Variants in IL1RAPL1 observed in about 807,000 individuals in gnomAD.
IL1RAPL1 encodes interleukin 1 receptor accessory protein like 1.
Under a neutral mutation model 48.4 loss-of-function variants are expected in IL1RAPL1, and 3 were observed. The observed-to-expected ratio is 0.06, with a 90% CI of 0.03 to 0.16. IL1RAPL1 has a LOEUF of 0.16. IL1RAPL1 is among the 10% of genes least tolerant of loss of function. The pLI is 1.00. For synonymous variants in IL1RAPL1, 185 were observed against 187.7 expected, an observed-to-expected ratio of 0.99 and a Z score of 0.12; for missense variants, 349 against 530.6, an observed-to-expected ratio of 0.66 and a Z score of 3.36.
chrX:29,451,908 A>G (rs1934684682), intron 5 of IL1RAPL1, among the ~76,000 whole-genome samples: 1 of 112,104 alleles, frequency 8.9e-6, no homozygotes, highest in African/African-American at 3.2e-5. Context: ...TTAATAAGAA[A>G]GGAGTACAGG....
In IL1RAPL1 at chrX:29,567,032, AAAG is replaced by A. The variant is rs200820214; in HGVS notation, c.704-101394_704-101392del. 3.8e-3 allele frequency among the ~76,000 whole-genome samples: 424 copies of A among 111,791 alleles called. 8 individuals carry two copies. The highest frequency in any genetic ancestry group is 0.036 in the Admixed American group (373 of 10,485). On this transcript the variant is annotated intron_variant, in intron 5 of 10. Transcript: ENST00000378993. ...CATAAGAAATTAATAAAGAGAATAAAAAGAAGGAATATTTGAATTGATAATGTC... is the reference window on the plus strand; with the variant it reads ...CATAAGAAATTAATAAAGAGAATAAAAAGGAATATTTGAATTGATAATGTC...
In IL1RAPL1 at chrX:29,954,802, TGTTA is replaced by T. The variant is rs1309228535; in HGVS notation, c.1372+114_1372+117del. ...GGTTCTTTACTTCAAAATTTGTATC[TGTTA>T]GTTTCCCTAGAAAGAAACGTCTTTG... is the stretch of plus-strand genomic sequence containing the variant. On this transcript the variant is annotated intron_variant, in intron 10 of 10. Coordinates refer to ENST00000378993, the MANE Select transcript of IL1RAPL1 (RefSeq NM_014271.4). The T allele has an allele frequency of 1.3e-5, 9 of 698,569 alleles. No individual in the cohort carries two copies. In the African/African-American group the frequency reaches 1.7e-4, roughly 13 times the overall value. 57.6% of individuals were successfully genotyped at this position (698,569 alleles called of 1,213,427 possible). A position where few individuals can be genotyped will look rare whatever the true frequency, so the allele number is the denominator to read the frequency against.
intron 2 of IL1RAPL1, among the ~76,000 whole-genome samples, chrX:29,244,474 G>T (rs942659482): frequency 2.7e-5 from 3 of 111,863 alleles, no homozygotes; most frequent in Non-Finnish European, 5.6e-5. Context: ...AGAGCATTCG[G>T]CTCACCTCAG....
At position 29,035,583 on chromosome X, in the gene IL1RAPL1, A is replaced by G. The variant is rs570978015; in HGVS notation, c.82+246158A>G. 1.1e-4 allele frequency among the ~76,000 whole-genome samples: 12 copies of G among 110,895 alleles called. No homozygotes were observed. In the South Asian group the frequency reaches 3.9e-3, roughly 36 times the overall value. ...CTTGAACCCAGGAGTCAGAGCTGCAATGAGCCAGGATCGCACCACTGCACT... is the reference window on the plus strand; with the variant it reads ...CTTGAACCCAGGAGTCAGAGCTGCAGTGAGCCAGGATCGCACCACTGCACT... On this transcript the variant is annotated intron_variant, in intron 2 of 10. Transcript: ENST00000378993.
intron 2 of IL1RAPL1, among the ~76,000 whole-genome samples, chrX:29,267,898 G>T (rs770639657): frequency 3.3e-4 from 37 of 111,645 alleles, no homozygotes; most frequent in African/African-American, 1.2e-3. Context: ...ACTAAGCCAG[G>T]TTGTAGCAAC....
intron 6 of IL1RAPL1, among the ~76,000 whole-genome samples, chrX:29,848,203 A>G (rs1195085084): frequency 9.0e-6 from 1 of 111,615 alleles, no homozygotes; most frequent in African/African-American, 3.3e-5. Context: ...TGTTATCACA[A>G]TCATAAATGC....
intron 3 of IL1RAPL1, chrX:29,369,995 G>GGT (rs1933522017): frequency 9.0e-6 from 1 of 111,157 alleles, no homozygotes. Context: ...TATGATTCAT[G>GGT]GTGTCTTTCC....
chrX:29,791,560 T>C (rs1238214096), intron 6 of IL1RAPL1, among the ~76,000 whole-genome samples: 4 of 106,094 alleles, frequency 3.8e-5, no homozygotes, highest in African/African-American at 1.4e-4. Context: ...GGAGCTGGGA[T>C]TACAGGCATG....
At chrX:29,886,204 G>C (rs1345500915) in intron 6 of IL1RAPL1, among the ~76,000 whole-genome samples, 1 of 112,210 alleles carries the variant, frequency 8.9e-6, no homozygotes, top group Non-Finnish European at 1.9e-5. Context: ...AAAACCATTT[G>C]ATTCATTGGT....
intron 2 of IL1RAPL1, among the ~76,000 whole-genome samples, chrX:28,860,905 C>G (rs2147302293): frequency 9.0e-6 from 1 of 111,370 alleles, no homozygotes; most frequent in Non-Finnish European, 1.9e-5. Context: ...TACTTTAAAT[C>G]AATATCACTT....
chrX:28,905,668 A>G (rs1015732178), intron 2 of IL1RAPL1, among the ~76,000 whole-genome samples: 4 of 112,323 alleles, frequency 3.6e-5, no homozygotes, highest in Non-Finnish European at 1.9e-5. Flanking sequence ...TAGAGTATTT[A>G]TACTAATTCT....
At chrX:29,860,339 A>G (rs1798748177) in intron 6 of IL1RAPL1, among the ~76,000 whole-genome samples, 1 of 112,057 alleles carries the variant, frequency 8.9e-6, no homozygotes, top group Non-Finnish European at 1.9e-5. Flanking sequence ...GAGTTAACTG[A>G]TGTGACTTTT....
intron 5 of IL1RAPL1, among the ~76,000 whole-genome samples, chrX:29,604,953 A>T (rs1923839732): frequency 9.1e-6 from 1 of 109,657 alleles, no homozygotes; most frequent in African/African-American, 3.3e-5. Flanking sequence ...GTGTAAACCA[A>T]CTCATCCCCA....
intron 2 of IL1RAPL1, among the ~76,000 whole-genome samples, chrX:29,088,195 G>T (rs922595419): frequency 8.9e-6 from 1 of 111,877 alleles, no homozygotes; most frequent in Non-Finnish European, 1.9e-5. Flanking sequence ...TTAACCCAAG[G>T]TTGTGGCAAT....
intron 5 of IL1RAPL1, among the ~76,000 whole-genome samples, chrX:29,401,964 G>A (rs1393072320): frequency 9.1e-6 from 1 of 109,882 alleles, no homozygotes; most frequent in Non-Finnish European, 1.9e-5. Context: ...TGCAATCTTG[G>A]CTCACTGCAA....
chrX:28,782,584 C>T (rs927810547), intron 1 of IL1RAPL1, among the ~76,000 whole-genome samples: 8 of 111,590 alleles, frequency 7.2e-5, no homozygotes, highest in African/African-American at 1.9e-4. Context: ...TAAAGCACTT[C>T]GTCAGTTTAA....
intron 2 of IL1RAPL1, among the ~76,000 whole-genome samples, chrX:28,856,851 A>G (rs1921818427): frequency 8.9e-6 from 1 of 112,062 alleles, no homozygotes; most frequent in Non-Finnish European, 1.9e-5. Flanking sequence ...TTCAAGTGAA[A>G]GAAATAGTAA....
At chrX:29,387,379 T>C (rs947737925) in intron 3 of IL1RAPL1, among the ~76,000 whole-genome samples, 1 of 112,467 alleles carries the variant, frequency 8.9e-6, no homozygotes, top group Non-Finnish European at 1.9e-5. Flanking sequence ...ATGTCACTTT[T>C]TATACGAAAC....
intron 5 of IL1RAPL1, among the ~76,000 whole-genome samples, chrX:29,622,672 C>T: frequency 9.0e-6 from 1 of 111,319 alleles, no homozygotes; most frequent in East Asian, 2.8e-4. Flanking sequence ...AACCCAAGAC[C>T]ACTACTATTT....
Sources: allele counts gnomAD v4.1 joint callset (sites outside exome capture counted in the v4.1 genomes callset), GRCh38; gene constraint gnomAD v4.1.1; transcripts MANE v1.5; gene names NCBI Gene and HGNC (gene_info 2026-07-23, HGNC 2026-07-21).